Variants in SH3D19 observed in about 807,000 individuals in gnomAD.
The protein encoded by SH3D19 is SH3 domain-containing protein 19.
Under a neutral mutation model 112.1 loss-of-function variants are expected in SH3D19, and 58 were observed. The ratio of observed to expected loss-of-function variants is 0.52; its 90% CI spans 0.42 to 0.64. SH3D19 has a LOEUF of 0.64. Among genes scored for constraint, SH3D19 ranks in the 30% least tolerant of loss-of-function variants. The pLI is 0.00. For missense variants in SH3D19, 1,090 were observed against 1,263.4 expected (o/e 0.86, Z 2.08); for synonymous variants, 391 against 448.5 (o/e 0.87, Z 1.62).
Position 151,279,879 on chromosome 4 carries a change from C to T in SH3D19, c.112+45362G>A, listed in dbSNP as rs199971538. 149 of 1,461,106 alleles carry T rather than the reference C, an allele frequency of 1.0e-4. No individual in the cohort carries two copies. The African/African-American group carries it at 1.9e-3, about 19-fold the overall frequency. 90.5% of individuals were successfully genotyped at this position (1,461,106 alleles called of 1,614,324 possible). ...GCGCTGGCCTTGGCAGGTCAGCCTA[C>T]ACTTTGACCACAACTTTATCTGTGG... On this transcript the variant is annotated intron_variant, in intron 1 of 19. Coordinates refer to ENST00000604030, the MANE Select transcript of SH3D19 (RefSeq NM_001378122.1).
intron 9 of SH3D19, among the ~76,000 whole-genome samples, chr4:151,150,924 G>GT (rs907804241): frequency 3.6e-5 from 5 of 137,886 alleles, no homozygotes; most frequent in African/African-American, 1.3e-4. Flanking sequence ...CAAAATTTCT[G>GT]TTTTTTGGAG....
rs552692243 is a variant in SH3D19 at position 151,246,798 on chromosome 4, T to C, written c.113-20712A>G. Among the ~76,000 whole-genome samples the C allele has an allele frequency of 2.0e-5, 3 of 152,346 alleles. No homozygotes were observed. The South Asian group carries it at 6.2e-4, about 32-fold the overall frequency. ...AAGTGAAAAATGAACACTGAATATCTCATGCCTTATAATGGATGGGTTCAT... is the reference window on the plus strand; with the variant it reads ...AAGTGAAAAATGAACACTGAATATCCCATGCCTTATAATGGATGGGTTCAT... On this transcript the variant is annotated intron_variant, in intron 1 of 19. Transcript: ENST00000604030.
At chr4:151,144,451 T>C (rs1235653946) in intron 11 of SH3D19, 1 of 633,756 alleles carries the variant, frequency 1.6e-6, no homozygotes, top group East Asian at 2.7e-5. Context: ...CTGCCATTTC[T>C]CATGGATGTT....
chr4:151,287,418 A>T (rs1418154813), intron 1 of SH3D19, among the ~76,000 whole-genome samples: 1 of 152,102 alleles, frequency 6.6e-6, no homozygotes, highest in Admixed American at 6.5e-5. Flanking sequence ...AAACCTGACA[A>T]AGGCATCACA....
At chr4:151,128,470 G>T in intron 17 of SH3D19, 114 bp from the exon 18 acceptor site, 1 of 728,644 alleles carries the variant, frequency 1.4e-6, no homozygotes, top group Non-Finnish European at 2.1e-6. Flanking sequence ...AGATTTCAAA[G>T]CCTGAAGGCT....
intron 8 of SH3D19, among the ~76,000 whole-genome samples, chr4:151,161,117 T>G (rs560176097): frequency 6.6e-6 from 1 of 151,888 alleles, no homozygotes; most frequent in Non-Finnish European, 1.5e-5. Flanking sequence ...GATGTGGAGG[T>G]AGGAGATTTC....
At chr4:151,186,961 AT>A (rs1761891465) in intron 3 of SH3D19, among the ~76,000 whole-genome samples, 2 of 151,732 alleles carry the variant, frequency 1.3e-5, no homozygotes, top group South Asian at 2.1e-4. Flanking sequence ...CGCCCGGCTA[AT>A]TTTTGGTATT....
chr4:151,308,135 A>C (rs1729100040), intron 1 of SH3D19, among the ~76,000 whole-genome samples: 1 of 152,056 alleles, frequency 6.6e-6, no homozygotes, highest in Non-Finnish European at 1.5e-5. Flanking sequence ...TGAACTCCTG[A>C]CCTCAAGTGA....
chr4:151,240,275 G>C (rs925721948), intron 1 of SH3D19, among the ~76,000 whole-genome samples: 1 of 149,360 alleles, frequency 6.7e-6, no homozygotes, highest in Non-Finnish European at 1.5e-5. Flanking sequence ...GCCAGGAACA[G>C]TGGCACGAGC....
chr4:151,316,470 C>A (rs1312266201), intron 1 of SH3D19, among the ~76,000 whole-genome samples: 1 of 152,142 alleles, frequency 6.6e-6, no homozygotes, highest in Non-Finnish European at 1.5e-5. Context: ...TGTGATGAAT[C>A]TACCATACTA....
chr4:151,142,351 A>G (rs1224977997), intron 12 of SH3D19, among the ~76,000 whole-genome samples: 7 of 152,086 alleles, frequency 4.6e-5, no homozygotes, highest in African/African-American at 1.7e-4. Flanking sequence ...TCACTCCCCA[A>G]AGAAACCTCC....
chr4:151,222,439 A>G (rs1001678993), intron 2 of SH3D19, among the ~76,000 whole-genome samples: 1 of 152,142 alleles, frequency 6.6e-6, no homozygotes, highest in African/African-American at 2.4e-5. Context: ...TCACCCTTAC[A>G]TTAATACTTT....
At chr4:151,305,658 G>GA (rs1314651512) in intron 1 of SH3D19, among the ~76,000 whole-genome samples, 1 of 152,106 alleles carries the variant, frequency 6.6e-6, no homozygotes, top group Non-Finnish European at 1.5e-5. Context: ...ATAAAAACTA[G>GA]AAAAAATCTA....
intron 7 of SH3D19, among the ~76,000 whole-genome samples, chr4:151,170,247 G>A (rs1159630640): frequency 2.6e-5 from 4 of 152,022 alleles, no homozygotes; most frequent in Admixed American, 2.0e-4. Context: ...TTGTTACAAC[G>A]AATATATTTT....
rs372546589 is a variant in SH3D19, at chr4:151,283,168, G to A, written c.112+42073C>T. On this transcript the variant is annotated intron_variant, in intron 1 of 19. Coordinates refer to ENST00000604030, the MANE Select transcript of SH3D19 (RefSeq NM_001378122.1). Reference sequence around the variant, plus strand: ...GAAGCAGAAGTACCCATTATTGACCGCCAGGCTTGTGAACAGCTCTACAAT... The same window carrying A: ...GAAGCAGAAGTACCCATTATTGACCACCAGGCTTGTGAACAGCTCTACAAT... The A allele has an allele frequency of 9.3e-5, 150 of 1,613,762 alleles. 1 individual carries two copies. The highest frequency in any genetic ancestry group is 1.1e-4 in the Non-Finnish European group (131 of 1,179,774).
intron 15 of SH3D19, among the ~76,000 whole-genome samples, chr4:151,134,257 TAGAC>T (rs979146482): frequency 1.3e-5 from 2 of 152,100 alleles, no homozygotes; most frequent in Non-Finnish European, 2.9e-5. Context: ...GACCTATTCA[TAGAC>T]AGGTTTACAG....
chr4:151,231,698 C>T (rs192437279), intron 1 of SH3D19, among the ~76,000 whole-genome samples: 111 of 152,260 alleles, frequency 7.3e-4, no homozygotes, highest in African/African-American at 2.3e-3. Context: ...AGACATACTA[C>T]AGAGAAGTTT....
In SH3D19 at chr4:151,147,938, A is replaced by G. The variant is rs78397848; in HGVS notation, c.2066T>C (p.Leu689Pro). The G allele has an allele frequency of 5.2e-3, 8,390 of 1,611,532 alleles. 335 individuals carry two copies. In the Admixed American group the frequency reaches 0.078, roughly 15 times the overall value. ...TAAATTTACCATGTATTTACTGTAG[A>G]GAGGGTGTCCTGGTTTGGGACGAGG... ...LPPRPKPGHP[L>P]YSKYMRGDVL... The change falls in exon 11 of 20, where the codon CTC becomes CCC. Residue 689 changes from leucine (L) to proline (P), a missense_variant. Physicochemically the swap from Leu to Pro is moderately conservative, Grantham distance 98. Transcript: ENST00000604030.
chr4:151,300,704 T>C (rs948994956), intron 1 of SH3D19: 4 of 148,288 alleles, frequency 2.7e-5, no homozygotes, highest in African/African-American at 9.7e-5. Flanking sequence ...TTCAGGGAAA[T>C]AACATGATCA....
Sources: allele counts gnomAD v4.1 joint callset (sites outside exome capture counted in the v4.1 genomes callset), GRCh38; gene constraint gnomAD v4.1.1; transcripts MANE v1.5; gene names NCBI Gene and HGNC (gene_info 2026-07-23, HGNC 2026-07-21).